GLCCI1: variants seen among roughly 807,000 people sequenced by gnomAD.
GLCCI1 encodes glucocorticoid-induced transcript 1 protein.
A neutral mutation model predicts 52.2 loss-of-function variants in GLCCI1; 24 were observed. The observed-to-expected ratio is 0.46, with a 90% CI of 0.33 to 0.65. The LOEUF (loss-of-function observed/expected upper bound fraction) is 0.65. Ranked by LOEUF, GLCCI1 falls within the 30% of genes least tolerant of loss-of-function variation. The pLI is 0.02. For missense variants in GLCCI1, 704 were observed against 701.5 expected (o/e 1.00, Z -0.04); for synonymous variants, 310 against 276.5 (o/e 1.12, Z -1.20).
At chr7:7,992,063 CTTTCTTT>C (rs1780849447) in intron 1 of GLCCI1, among the ~76,000 whole-genome samples, 1 of 143,348 alleles carries the variant, frequency 7.0e-6, no homozygotes, top group African/African-American at 2.7e-5. Flanking sequence ...TTCTTTCTTT[CTTTCTTT>C]CTTTCTTTCT....
intron 2 of GLCCI1, among the ~76,000 whole-genome samples, chr7:8,013,859 G>C (rs1471677634): frequency 6.6e-6 from 1 of 151,932 alleles, no homozygotes; most frequent in Non-Finnish European, 1.5e-5. Context: ...TTTTTCGGCT[G>C]TACGATCATC....
intron 1 of GLCCI1, among the ~76,000 whole-genome samples, chr7:7,995,712 G>A (rs1487764021): frequency 1.3e-5 from 2 of 152,082 alleles, no homozygotes; most frequent in African/African-American, 4.8e-5. Flanking sequence ...GAGAACACCT[G>A]GACACAGGAA....
At chr7:7,971,703 T>G (rs1227788158) in intron 1 of GLCCI1, among the ~76,000 whole-genome samples, 1 of 152,234 alleles carries the variant, frequency 6.6e-6, no homozygotes, top group Admixed American at 6.5e-5. Context: ...ACATGCTCCA[T>G]CATCAAGCAG....
At chr7:8,002,258 T>C (rs1781064099) in intron 1 of GLCCI1, among the ~76,000 whole-genome samples, 2 of 135,606 alleles carry the variant, frequency 1.5e-5, no homozygotes, top group South Asian at 4.5e-4. Context: ...AACTGATAAT[T>C]ATTCCTATAT....
rs934222280 is a variant in GLCCI1, at chr7:8,087,954, T to C, written c.*1416T>C. On this transcript the variant is annotated 3_prime_UTR_variant, in exon 8 of 8. Coordinates refer to ENST00000223145, the MANE Select transcript of GLCCI1 (RefSeq NM_138426.4). ...GGTCAATGGGAGAGCCTAACTTTCA[T>C]TGTTTTCTTCAGTACAAAGAGTATC... The C allele has an allele frequency of 2.0e-5, 3 of 152,534 alleles. No individual in the cohort carries two copies. The highest frequency in any genetic ancestry group is 4.4e-5 in the Non-Finnish European group (3 of 68,044). The allele number at this position is 152,534 out of a possible 1,614,324, so 9.4% of individuals were successfully genotyped here. A position where few individuals can be genotyped will look rare whatever the true frequency, so the allele number is the denominator to read the frequency against.
At chr7:7,982,132 C>G (rs994747177) in intron 1 of GLCCI1, 3 of 385,840 alleles carry the variant, frequency 7.8e-6, no homozygotes, top group African/African-American at 4.4e-5. Context: ...GTCACAAATC[C>G]AAATACCAGA....
intron 6 of GLCCI1, among the ~76,000 whole-genome samples, chr7:8,083,906 C>A (rs911817313): frequency 1.3e-5 from 2 of 152,110 alleles, no homozygotes; most frequent in Non-Finnish European, 2.9e-5. Context: ...GTTCTATATT[C>A]TAAACTAAAG....
chr7:7,987,835 C>T (rs754825575), intron 1 of GLCCI1, among the ~76,000 whole-genome samples: 36 of 152,040 alleles, frequency 2.4e-4, no homozygotes, highest in Non-Finnish European at 4.1e-4. Flanking sequence ...GTTATCCTTC[C>T]GCTTTGGCCT....
chr7:8,011,125 C>CA (rs1441817323), intron 2 of GLCCI1, among the ~76,000 whole-genome samples: 298 of 147,280 alleles, frequency 2.0e-3, no homozygotes, highest in Non-Finnish European at 3.4e-3. Context: ...TCTCCTCCCA[C>CA]ACAAAAAAAA....
chr7:7,996,801 A>G (rs1287364752), intron 1 of GLCCI1, among the ~76,000 whole-genome samples: 1 of 152,164 alleles, frequency 6.6e-6, no homozygotes, highest in Non-Finnish European at 1.5e-5. Flanking sequence ...GGGCAGCCAT[A>G]TGGTCATTTC....
intron 2 of GLCCI1, among the ~76,000 whole-genome samples, chr7:8,007,157 A>G (rs1781168380): frequency 1.3e-5 from 2 of 152,156 alleles, no homozygotes; most frequent in Admixed American, 6.5e-5. Flanking sequence ...TCTGGCTTGC[A>G]TCTATCTGGA....
At chr7:7,995,129 A>G (rs540988358) in intron 1 of GLCCI1, among the ~76,000 whole-genome samples, 2 of 152,310 alleles carry the variant, frequency 1.3e-5, no homozygotes, top group African/African-American at 2.4e-5. Context: ...ATATTTTTCT[A>G]TTTGTTGCCT....
chr7:8,063,294 T>C lies in GLCCI1; in HGVS notation c.966+3046T>C, dbSNP rs532394885. Among the ~76,000 whole-genome samples the C allele has an allele frequency of 1.3e-4, 20 of 151,824 alleles. No individual in the cohort carries two copies. In the East Asian group the frequency reaches 3.9e-3, roughly 30 times the overall value. On this transcript the variant is annotated intron_variant, in intron 5 of 7. Transcript: ENST00000223145. ...CTGGGACTTCAGGTGCATGCTGCCA[T>C]GCCCGACTAACTTTTTGTATTTTTT...
At position 8,022,583 on chromosome 7, in the gene GLCCI1, G is replaced by C; in HGVS notation, c.696+14G>C. On this transcript the variant is annotated intron_variant, in intron 3 of 7. Transcript: ENST00000223145. Reference sequence around the variant, plus strand: ...CAACTAAAAGAGGTAAGTTATTTCTGTTTTCCGTCTGTAACCTGTTTTGGT... The same window carrying C: ...CAACTAAAAGAGGTAAGTTATTTCTCTTTTCCGTCTGTAACCTGTTTTGGT... 2 of 1,528,928 alleles carry C rather than the reference G, an allele frequency of 1.3e-6. No homozygotes were observed. The highest frequency in any genetic ancestry group is 1.8e-6 in the Non-Finnish European group (2 of 1,130,874). The allele number at this position is 1,528,928 out of a possible 1,614,324, so 94.7% of individuals were successfully genotyped here. A position where few individuals can be genotyped will look rare whatever the true frequency, so the allele number is the denominator to read the frequency against.
intron 1 of GLCCI1, among the ~76,000 whole-genome samples, chr7:7,977,288 T>G (rs571481327): frequency 1.2e-4 from 18 of 152,328 alleles, no homozygotes; most frequent in African/African-American, 4.3e-4. Context: ...TAGATGATAT[T>G]GAGAATAAGA....
intron 1 of GLCCI1, among the ~76,000 whole-genome samples, chr7:8,002,332 T>C (rs1387618186): frequency 6.6e-6 from 1 of 152,120 alleles, no homozygotes; most frequent in Non-Finnish European, 1.5e-5. Context: ...CAAAATATCT[T>C]CTCTGTAATT....
intron 4 of GLCCI1, among the ~76,000 whole-genome samples, chr7:8,056,955 C>T (rs1782411677): frequency 6.6e-6 from 1 of 152,044 alleles, no homozygotes. Context: ...TCACTACTTA[C>T]ATATGATATT....
intron 3 of GLCCI1, among the ~76,000 whole-genome samples, chr7:8,031,347 C>T (rs982598850): frequency 6.6e-6 from 1 of 151,828 alleles, no homozygotes; most frequent in African/African-American, 2.4e-5. Context: ...AAAATCAAAA[C>T]AATAGAACTC....
chr7:8,074,113 TTATTGTATGTCAGA>T (rs1462197365), intron 6 of GLCCI1, among the ~76,000 whole-genome samples: 1 of 152,192 alleles, frequency 6.6e-6, no homozygotes, highest in African/African-American at 2.4e-5. Context: ...TATTGAGCAT[TTATTGTATGTCAGA>T]TATTGTACTG....
Sources: allele counts gnomAD v4.1 joint callset (sites outside exome capture counted in the v4.1 genomes callset), GRCh38; gene constraint gnomAD v4.1.1; transcripts MANE v1.5; gene names NCBI Gene and HGNC (gene_info 2026-07-23, HGNC 2026-07-21).